FAM185A: variants seen among roughly 807,000 people sequenced by gnomAD.
FAM185A encodes family with sequence similarity 185 member A.
FAM185A carries 21 observed loss-of-function variants against 45.7 expected under a neutral mutation model. The observed-to-expected ratio is 0.46, with a 90% CI of 0.33 to 0.66. The LOEUF (loss-of-function observed/expected upper bound fraction) is 0.66, where lower values mean the gene tolerates loss of function less well. Ranked by LOEUF, FAM185A falls within the 30% of genes least tolerant of loss-of-function variation. The probability of loss-of-function intolerance (pLI) is 0.03; values close to 1 mark genes in which losing one functional copy is unlikely to be tolerated. For missense variants in FAM185A, 305 were observed against 485.4 expected (o/e 0.63, Z 3.49); for synonymous variants, 117 against 194.0 (o/e 0.60, Z 3.30).
chr7:102,763,988 C>T lies in FAM185A; in HGVS notation c.793+2577C>T, dbSNP rs1794244332. On this transcript the variant is annotated intron_variant, in intron 4 of 7. Coordinates refer to ENST00000413034, the MANE Select transcript of FAM185A (RefSeq NM_001145268.2). Reference sequence around the variant, plus strand: ...CCCTTTGGGATGTTACTTCCCACCTCATTTCCAGTGGTCCATTATCACCCT... The same window carrying T: ...CCCTTTGGGATGTTACTTCCCACCTTATTTCCAGTGGTCCATTATCACCCT... Among the ~76,000 whole-genome samples, 4 of 152,316 alleles carry T rather than the reference C, an allele frequency of 2.6e-5. No individual in the cohort carries two copies. In the South Asian group the frequency reaches 8.3e-4, roughly 32 times the overall value.
intron 1 of FAM185A, among the ~76,000 whole-genome samples, 183 bp from the exon 2 acceptor site, chr7:102,751,509 G>A (rs1000960599): frequency 4.7e-5 from 7 of 150,302 alleles, no homozygotes; most frequent in South Asian, 2.1e-4. Context: ...TTCTAAAAAC[G>A]GGCAGAAAGG....
the FAM185A span, among the ~76,000 whole-genome samples, chr7:102,824,721 A>G: frequency 2.6e-5 from 4 of 151,450 alleles, no homozygotes; most frequent in Non-Finnish European, 4.4e-5. Flanking sequence ...GATGACCTCA[A>G]GTGATCCGCT....
At chr7:102,816,083 C>CCCT in the FAM185A span, 1 of 152,202 alleles carries the variant, frequency 6.6e-6, no homozygotes, top group African/African-American at 2.4e-5. Context: ...GTCCTCATTC[C>CCCT]TTAGTCCCTG....
intron 7 of FAM185A, among the ~76,000 whole-genome samples, chr7:102,803,641 T>C (rs1250280798): frequency 6.6e-6 from 1 of 152,006 alleles, no homozygotes; most frequent in Non-Finnish European, 1.5e-5. Context: ...ATGCCCTCTC[T>C]CACCACTCCT....
intron 1 of FAM185A, among the ~76,000 whole-genome samples, chr7:102,750,700 G>C (rs1407754988): frequency 6.6e-6 from 1 of 151,964 alleles, no homozygotes; most frequent in Non-Finnish European, 1.5e-5. Context: ...GTGGGGGGGC[G>C]GGTCTTGCCT....
At chr7:102,756,035 C>T in intron 2 of FAM185A, 1 of 315,324 alleles carries the variant, frequency 3.2e-6, no homozygotes, top group South Asian at 4.7e-5. Context: ...AGGTTTATCA[C>T]ATATTTGATA....
chr7:102,760,918 G>A (rs1486715826), intron 3 of FAM185A, among the ~76,000 whole-genome samples: 1 of 152,148 alleles, frequency 6.6e-6, no homozygotes, highest in Non-Finnish European at 1.5e-5. Context: ...CAAATACAAA[G>A]TCAATTAGGA....
At position 102,808,327 on chromosome 7, in the gene FAM185A, T is replaced by A; in HGVS notation, c.1104T>A (p.Ile368=). 1.3e-6 allele frequency: 2 copies of A among 1,551,792 alleles called. No homozygotes were observed. Among genetic ancestry groups the A allele is most frequent in the Non-Finnish European group, 1.7e-6 (2 of 1,146,986 alleles). ...AAGCAAGCAAACGTGAAAAATGGAT[T>A]AAGGCTGATGCCCCAAAAGGCACTG... ...MNQASKREKW[I]KADAPKGTVS... is the part of the protein sequence containing the mutation. Residue 368 remains isoleucine (I), a synonymous_variant, in exon 8 of 8, where the codon ATT becomes ATA. Transcript: ENST00000413034.
chr7:102,811,764 A>G (rs1797449910), downstream of FAM185A, among the ~76,000 whole-genome samples: 2 of 152,184 alleles, frequency 1.3e-5, no homozygotes, highest in Non-Finnish European at 1.5e-5. Flanking sequence ...TTAGGTTAAA[A>G]TCATACTCTT....
intron 6 of FAM185A, among the ~76,000 whole-genome samples, chr7:102,784,605 C>A (rs1584329915): frequency 6.6e-6 from 1 of 152,150 alleles, no homozygotes; most frequent in East Asian, 1.9e-4. Context: ...TCAATAGATG[C>A]AGAAAAGGCC....
chr7:102,769,036 G>A (rs1019874187), intron 4 of FAM185A, among the ~76,000 whole-genome samples: 1 of 152,092 alleles, frequency 6.6e-6, no homozygotes, highest in Non-Finnish European at 1.5e-5. Flanking sequence ...AATCCATTTT[G>A]TGTTTTCTAA....
the FAM185A span, among the ~76,000 whole-genome samples, chr7:102,843,383 C>T: frequency 9.9e-5 from 15 of 152,102 alleles, no homozygotes; most frequent in Non-Finnish European, 1.8e-4. Context: ...GCAGAGGTTG[C>T]AGTGAGCCAA....
At chr7:102,829,678 G>A in the FAM185A span, among the ~76,000 whole-genome samples, 1 of 152,118 alleles carries the variant, frequency 6.6e-6, no homozygotes, top group Admixed American at 6.5e-5. Flanking sequence ...TGTCGAGTAG[G>A]ATGAGGTCAC....
the FAM185A span, chr7:102,833,030 T>C: frequency 1.3e-6 from 2 of 1,573,394 alleles, no homozygotes; most frequent in South Asian, 2.3e-5. Context: ...TAGAACTGTC[T>C]TACTTATAGT....
chr7:102,843,123 A>G, the FAM185A span, among the ~76,000 whole-genome samples: 9 of 152,204 alleles, frequency 5.9e-5, no homozygotes, highest in Non-Finnish European at 1.2e-4. Flanking sequence ...AAGGTTATGA[A>G]GATTAAGGGA....
At chr7:102,787,879 C>G (rs1326806829) in intron 7 of FAM185A, among the ~76,000 whole-genome samples, 12,006 of 146,860 alleles carry the variant, frequency 0.082, no homozygotes, top group Non-Finnish European at 0.12. Flanking sequence ...ATTCTCAGTC[C>G]CACAAATGTG....
intron 7 of FAM185A, among the ~76,000 whole-genome samples, chr7:102,797,731 C>A (rs1584356105): frequency 6.6e-6 from 1 of 152,144 alleles, no homozygotes; most frequent in African/African-American, 2.4e-5. Flanking sequence ...TAGTGGGTGG[C>A]CCAAAGTGTT....
chr7:102,809,965 G>A (rs951686489), downstream of FAM185A, among the ~76,000 whole-genome samples: 2 of 151,944 alleles, frequency 1.3e-5, no homozygotes, highest in African/African-American at 2.4e-5. Flanking sequence ...TATCTTCCCC[G>A]TCTCTCTCTT....
intron 5 of FAM185A, among the ~76,000 whole-genome samples, chr7:102,775,361 C>T (rs1193470151): frequency 3.9e-5 from 6 of 152,238 alleles, no homozygotes; most frequent in East Asian, 1.9e-4. Context: ...TAATTTTACT[C>T]TTGATAATTA....
Sources: gnomAD v4.1 joint callset for allele counts (sites outside exome capture counted in the v4.1 genomes callset) on GRCh38, gnomAD v4.1.1 for gene constraint, MANE v1.5 for transcripts, NCBI Gene and HGNC (gene_info 2026-07-23, HGNC 2026-07-21) for gene names.